The following SGSM2 variants were observed in gnomAD, a reference collection of about 807,000 sequenced individuals.
SGSM2 encodes the protein RUN and TBC1 domain containing 1.
SGSM2 carries 89 observed loss-of-function variants against 126.6 expected under a neutral mutation model. The observed-to-expected ratio is 0.70, with a 90% CI of 0.59 to 0.84. The LOEUF (loss-of-function observed/expected upper bound fraction) is 0.84. SGSM2 is among the 40% of genes least tolerant of loss of function. The pLI is 0.00. For synonymous variants in SGSM2, 614 were observed against 574.3 expected (o/e 1.07, Z -0.99); for missense variants, 1,404 against 1,416.6 (o/e 0.99, Z 0.14).
At position 2,363,259 on chromosome 17, in the gene SGSM2, G is replaced by A; in HGVS notation, c.672+125G>A. The A allele has an allele frequency of 7.4e-7, 1 of 1,356,826 alleles. No individual in the cohort carries two copies. Among genetic ancestry groups the A allele is most frequent in the Non-Finnish European group, 9.9e-7 (1 of 1,014,948 alleles). The allele number at this position is 1,356,826 out of a possible 1,614,324, so 84.0% of individuals were successfully genotyped here. On this transcript the variant is annotated intron_variant, in intron 6 of 23. Transcript: ENST00000268989. This position sits in a 1 kb window ranked among gnomAD's most constrained non-coding sequence, Gnocchi z 4.2. ...CCCCAAGGTAGCGGCTGCCTCAGAA[G>A]AGCCTTCTCCGCACAATAAAACTTA...
At position 2,363,705 on chromosome 17, in the gene SGSM2, G is replaced by A. The variant is rs2065428585; in HGVS notation, c.807+106G>A. 1.4e-6 allele frequency: 2 copies of A among 1,475,416 alleles called. No individual in the cohort carries two copies. The highest frequency in any genetic ancestry group is 2.4e-5 in the East Asian group (1 of 42,200). 91.4% of individuals were successfully genotyped at this position (1,475,416 alleles called of 1,614,324 possible). A position where few individuals can be genotyped will look rare whatever the true frequency, so the allele number is the denominator to read the frequency against. Reference sequence around the variant, plus strand: ...TTCCTGAGGAGCTTGACCAGAGACGGGGGGGAGAATGGCCCCAGCCTCCCA... The same window carrying A: ...TTCCTGAGGAGCTTGACCAGAGACGAGGGGGAGAATGGCCCCAGCCTCCCA... On this transcript the variant is annotated intron_variant, in intron 7 of 23. Coordinates refer to ENST00000268989, the MANE Select transcript of SGSM2 (RefSeq NM_014853.3). This position sits in a 1 kb window ranked among gnomAD's most constrained non-coding sequence, Gnocchi z 4.2.
In SGSM2 at chr17:2,379,464, C is replaced by T; in HGVS notation, c.3100C>T (p.Leu1034=). 6 of 1,613,672 alleles carry T rather than the reference C, an allele frequency of 3.7e-6. No homozygotes were observed. The highest frequency in any genetic ancestry group is 5.1e-6 in the Non-Finnish European group (6 of 1,179,754). The change falls in exon 24 of 24, where the codon CTG becomes TTG. Residue 1034 remains leucine (L), a synonymous_variant. Transcript: ENST00000268989. ...RAEHHDAQEI[L]RIARDLVHKV... ...TGAGCATCACGATGCCCAGGAGATC[C>T]TGCGGATTGCCCGGGACCTCGTCCA... is the stretch of plus-strand genomic sequence containing the variant.
intron 2 of SGSM2, 82 bp from the exon 3 acceptor site, chr17:2,361,555 C>T: frequency 2.6e-6 from 4 of 1,535,958 alleles, no homozygotes; most frequent in East Asian, 4.8e-5. Flanking sequence ...CCTTGCCTCA[C>T]CACAGGTATG....
chr17:2,349,812 G>C (rs1283183311), intron 2 of SGSM2, among the ~76,000 whole-genome samples: 1 of 149,606 alleles, frequency 6.7e-6, no homozygotes, highest in African/African-American at 2.5e-5. Flanking sequence ...TTTTGAGATG[G>C]AGTCTCCCTC....
At position 2,371,303 on chromosome 17, in the gene SGSM2, C is replaced by G; in HGVS notation, c.1465C>G (p.Leu489Val). The G allele has an allele frequency of 1.2e-6, 2 of 1,612,530 alleles. No homozygotes were observed. Among genetic ancestry groups the G allele is most frequent in the Non-Finnish European group, 1.7e-6 (2 of 1,179,872 alleles). Residue 489 changes from leucine (L) to valine (V), a missense_variant, in exon 13 of 24, where the codon CTG (leucine) becomes GTG (valine). By Grantham distance (32) the Leu-to-Val change is conservative (BLOSUM62 1). Coordinates refer to ENST00000268989, the MANE Select transcript of SGSM2 (RefSeq NM_014853.3). Reference sequence around the variant, plus strand: ...CGAGATGCAGGGCTTTGGGCCCAGCCTGCCAGCCTGGCACCTGGAGCCCCT... The same window carrying G: ...CGAGATGCAGGGCTTTGGGCCCAGCGTGCCAGCCTGGCACCTGGAGCCCCT... ...MIEMQGFGPSLPAWHLEPLCS... is the reference protein window; with the variant it reads ...MIEMQGFGPSVPAWHLEPLCS...
At chr17:2,378,846 C>T (rs991653197) in intron 22 of SGSM2, among the ~76,000 whole-genome samples, 190 bp from the exon 23 acceptor site, 1 of 152,188 alleles carries the variant, frequency 6.6e-6, no homozygotes, top group African/African-American at 2.4e-5. Context: ...ACTTTGGCCC[C>T]TGAAGCTCTG....
rs1469768733 is a variant in SGSM2 at position 2,363,304 on chromosome 17, A to G, written c.673-161A>G. Among the ~76,000 whole-genome samples, 1 of 152,244 alleles carries G rather than the reference A, an allele frequency of 6.6e-6. No homozygotes were observed. Among genetic ancestry groups the G allele is most frequent in the Non-Finnish European group, 1.5e-5 (1 of 68,042 alleles). ...AACTTAACACAAATGCCGGGAGCCC[A>G]TGCTGGTCCGTGGCTGGAGAGCAGA... On this transcript the variant is annotated intron_variant, in intron 6 of 23. Coordinates refer to ENST00000268989, the MANE Select transcript of SGSM2 (RefSeq NM_014853.3). The surrounding 1 kb of genome is among the most constrained non-coding windows in gnomAD (Gnocchi z 4.2).
rs771693411 is a variant in SGSM2, at chr17:2,375,649, C to T, written c.2258C>T (p.Pro753Leu). 6.2e-7 allele frequency: 1 copy of T among 1,614,000 alleles called. No individual in the cohort carries two copies. Among genetic ancestry groups the T allele is most frequent in the Non-Finnish European group, 8.5e-7 (1 of 1,180,016 alleles). Reference sequence around the variant, plus strand: ...TTCGACTCTCCAGACTCAGGACTGCCCTCCTCTCGCAATTACTCCGTGGCC... The same window carrying T: ...TTCGACTCTCCAGACTCAGGACTGCTCTCCTCTCGCAATTACTCCGTGGCC... ...VEFDSPDSGL[P>L]SSRNYSVASG... The change falls in exon 18 of 24, where the codon CCC becomes CTC. Residue 753 changes from proline (P) to leucine (L), a missense_variant. By Grantham distance (98) the Pro-to-Leu change is moderately conservative (BLOSUM62 -3). Coordinates refer to ENST00000268989, the MANE Select transcript of SGSM2 (RefSeq NM_014853.3).
At position 2,365,377 on chromosome 17, in the gene SGSM2, G is replaced by C. The variant is rs759687453; in HGVS notation, c.1288+36G>C. 8.6e-5 allele frequency: 129 copies of C among 1,506,834 alleles called. No individual in the cohort carries two copies. The South Asian group carries it at 1.6e-3, about 18-fold the overall frequency. 93.3% of individuals were successfully genotyped at this position (1,506,834 alleles called of 1,614,324 possible). A position where few individuals can be genotyped will look rare whatever the true frequency, so the allele number is the denominator to read the frequency against. On this transcript the variant is annotated intron_variant, in intron 11 of 23. Transcript: ENST00000268989. ...CGAGCTTCATCCCGGGGGAGGAGAGGAAGACGCTCTGGGAGGCGGGGAGCG... is the reference window on the plus strand; with the variant it reads ...CGAGCTTCATCCCGGGGGAGGAGAGCAAGACGCTCTGGGAGGCGGGGAGCG...
intron 17 of SGSM2, 99 bp from the exon 18 acceptor site, chr17:2,375,393 G>A: frequency 1.4e-6 from 2 of 1,444,054 alleles, no homozygotes; most frequent in Non-Finnish European, 9.3e-7. Context: ...GAGGGGGTGT[G>A]AAGAGTTTTG....
chr17:2,377,629 A>G, intron 21 of SGSM2: 1 of 407,308 alleles, frequency 2.5e-6, no homozygotes, highest in Non-Finnish European at 4.4e-6. Context: ...TAACCCTAAA[A>G]ATAATGCAGC....
intron 2 of SGSM2, among the ~76,000 whole-genome samples, chr17:2,360,281 C>T (rs1455314006): frequency 6.6e-6 from 1 of 152,116 alleles, no homozygotes; most frequent in Non-Finnish European, 1.5e-5. Flanking sequence ...GGTCAGCTCT[C>T]AGCTGCTGTG....
Position 2,372,916 on chromosome 17 carries a change from T to C in SGSM2, c.1789-37T>C, listed in dbSNP as rs773526125. 6.5e-7 allele frequency: 1 copy of C among 1,549,504 alleles called. No individual in the cohort carries two copies. The highest frequency in any genetic ancestry group is 8.7e-7 in the Non-Finnish European group (1 of 1,145,764). ...TCACCCAGCTGGGCCACGGTGACTGTGGAGGCTGCACAGTCTTGACTCCCC... is the reference window on the plus strand; with the variant it reads ...TCACCCAGCTGGGCCACGGTGACTGCGGAGGCTGCACAGTCTTGACTCCCC... On this transcript the variant is annotated intron_variant, in intron 15 of 23. Transcript: ENST00000268989. The surrounding 1 kb of genome is among the most constrained non-coding windows in gnomAD (Gnocchi z 6.0).
At chr17:2,378,312 A>G (rs1251586215) in intron 22 of SGSM2, among the ~76,000 whole-genome samples, 1 of 152,192 alleles carries the variant, frequency 6.6e-6, no homozygotes, top group Non-Finnish European at 1.5e-5. Context: ...GCGGTGGCTC[A>G]TGCCTGTAAT....
chr17:2,371,469 G>A (rs2151615444), intron 13 of SGSM2, 54 bp downstream of exon 13: 1 of 1,532,492 alleles, frequency 6.5e-7, no homozygotes, highest in South Asian at 1.2e-5. Flanking sequence ...AGCCACGTGT[G>A]TGTCCGTCTG....
At chr17:2,366,263 CTCTG>C (rs2065579843) in intron 11 of SGSM2, among the ~76,000 whole-genome samples, 1 of 152,184 alleles carries the variant, frequency 6.6e-6, no homozygotes, top group Non-Finnish European at 1.5e-5. Context: ...AAGGGGGTCT[CTCTG>C]TCTATGTGCA....
In SGSM2 at chr17:2,371,512, TG is replaced by T. The variant is rs1390389898; in HGVS notation, c.1577+99del. On this transcript the variant is annotated intron_variant, in intron 13 of 23. Transcript: ENST00000268989. ...AGGCCGTGTCACCTGCACGACAGGG[TG>T]GCCTCTAGAGTGGGACAGATCTGGG... 2.1e-6 allele frequency: 3 copies of T among 1,436,048 alleles called. No individual in the cohort carries two copies. The African/African-American group carries it at 4.3e-5, about 21-fold the overall frequency. The allele number at this position is 1,436,048 out of a possible 1,614,324, so 89.0% of individuals were successfully genotyped here. A position where few individuals can be genotyped will look rare whatever the true frequency, so the allele number is the denominator to read the frequency against.
rs768694484 is a variant in SGSM2, at chr17:2,375,922, C to T, written c.2484+47C>T. 1.9e-5 allele frequency: 28 copies of T among 1,509,520 alleles called. No individual in the cohort carries two copies. The Admixed American group carries it at 3.3e-4, about 18-fold the overall frequency. 93.5% of individuals were successfully genotyped at this position (1,509,520 alleles called of 1,614,324 possible). A position where few individuals can be genotyped will look rare whatever the true frequency, so the allele number is the denominator to read the frequency against. ...TGTTCCCAGCCGCCCCAGAGGCCCT[C>T]CTGACATCCCAGAGCTGGGGAAGCG... On this transcript the variant is annotated intron_variant, in intron 18 of 23. Transcript: ENST00000268989.
Position 2,367,386 on chromosome 17 carries a change from A to G in SGSM2, c.1404A>G (p.Thr468=). The G allele has an allele frequency of 6.2e-7, 1 of 1,614,006 alleles. No homozygotes were observed. The highest frequency in any genetic ancestry group is 8.5e-7 in the Non-Finnish European group (1 of 1,179,974). ...CAATGATCTGCTCGCGGAACCTCAC[A>G]GCTCCCAATCCGATGAAAGGTTCTT... ...MLSMICSRNL[T]APNPMKDAGD... is the part of the protein sequence containing the mutation. The change falls in exon 12 of 24, where the codon ACA becomes ACG. Residue 468 remains threonine (T), a synonymous_variant. Transcript: ENST00000268989. The surrounding 1 kb of genome is among the most constrained non-coding windows in gnomAD (Gnocchi z 4.0).
Sources: allele counts gnomAD v4.1 joint callset (sites outside exome capture counted in the v4.1 genomes callset), GRCh38; gene constraint gnomAD v4.1.1; non-coding constraint Gnocchi (gnomAD v3.1); transcripts MANE v1.5; gene names NCBI Gene and HGNC (gene_info 2026-07-23, HGNC 2026-07-21).